RUNX2: variants seen among roughly 807,000 people sequenced by gnomAD.
The protein encoded by RUNX2 is runt-related transcription factor 2.
A neutral mutation model predicts 51.7 loss-of-function variants in RUNX2; 10 were observed. That is an observed-to-expected ratio of 0.19 (90% confidence interval 0.12 to 0.33). RUNX2 has a LOEUF of 0.33. RUNX2 is among the 10% of genes least tolerant of loss of function. The pLI is 1.00. For synonymous variants in RUNX2, 276 were observed against 273.6 expected (o/e 1.01, Z -0.09); for missense variants, 562 against 691.3 (o/e 0.81, Z 2.10).
At chr6:45,523,863 C>T (rs1801584204) in intron 7 of RUNX2, among the ~76,000 whole-genome samples, 3 of 151,412 alleles carry the variant, frequency 2.0e-5, no homozygotes, top group South Asian at 2.1e-4. Context: ...ACCCGGGAGG[C>T]GGAGGTTGCA....
intron 5 of RUNX2, among the ~76,000 whole-genome samples, chr6:45,438,639 C>A (rs1481676445): frequency 2.0e-5 from 3 of 152,072 alleles, no homozygotes; most frequent in Non-Finnish European, 4.4e-5. Context: ...CGTTTAAATC[C>A]ATCTTGGTTT....
intron 5 of RUNX2, among the ~76,000 whole-genome samples, chr6:45,470,431 A>G (rs541584943): frequency 1.3e-5 from 2 of 152,340 alleles, no homozygotes; most frequent in African/African-American, 4.8e-5. Context: ...GACACAATGG[A>G]GTATAAAGAT....
intron 2 of RUNX2, among the ~76,000 whole-genome samples, chr6:45,378,555 A>G (rs1029311123): frequency 2.0e-5 from 3 of 152,022 alleles, no homozygotes; most frequent in Non-Finnish European, 1.5e-5. Flanking sequence ...CTCGCACAGA[A>G]TCTGTTTCAT....
intron 6 of RUNX2, among the ~76,000 whole-genome samples, chr6:45,492,629 T>C (rs1470249677): frequency 6.6e-6 from 1 of 152,218 alleles, no homozygotes; most frequent in East Asian, 1.9e-4. Context: ...CTGATTTACA[T>C]TTAGCTCTGG....
At chr6:45,493,744 G>A (rs1800557091) in intron 6 of RUNX2, among the ~76,000 whole-genome samples, 1 of 151,740 alleles carries the variant, frequency 6.6e-6, no homozygotes, top group African/African-American at 2.4e-5. Context: ...GTGTGTGTGT[G>A]TGTGTGTGTG....
chr6:45,533,769 T>C (rs753816099), intron 7 of RUNX2, among the ~76,000 whole-genome samples: 2 of 152,176 alleles, frequency 1.3e-5, no homozygotes, highest in Non-Finnish European at 2.9e-5. Flanking sequence ...TGGTTCCTGA[T>C]GTCACTGGAT....
rs1181723664 is a variant in RUNX2, at chr6:45,550,543, G to A, written c.*3238G>A. 2 of 152,552 alleles carry A rather than the reference G, an allele frequency of 1.3e-5. No individual in the cohort carries two copies. Among genetic ancestry groups the A allele is most frequent in the Non-Finnish European group, 2.9e-5 (2 of 68,016 alleles). The allele number at this position is 152,552 out of a possible 1,614,324, so 9.4% of individuals were successfully genotyped here. A position where few individuals can be genotyped will look rare whatever the true frequency, so the allele number is the denominator to read the frequency against. On this transcript the variant is annotated 3_prime_UTR_variant, in exon 9 of 9. Coordinates refer to ENST00000647337, the MANE Select transcript of RUNX2 (RefSeq NM_001024630.4). ...AGCAAAAGTAATAATTATACCTATG[G>A]TATTTGAAAGAACAATAATAAAAGA...
At chr6:45,448,703 A>G (rs1241877964) in intron 5 of RUNX2, among the ~76,000 whole-genome samples, 1 of 152,096 alleles carries the variant, frequency 6.6e-6, no homozygotes, top group African/African-American at 2.4e-5. Flanking sequence ...TCATCTTCTC[A>G]TTTACCTCCT....
chr6:45,365,188 G>C, intron 2 of RUNX2: 1 of 1,504,840 alleles, frequency 6.6e-7, no homozygotes. Context: ...ATAGCATGCA[G>C]GGACATACTT....
chr6:45,505,417 T>G (rs1800936460), intron 6 of RUNX2, among the ~76,000 whole-genome samples: 1 of 151,842 alleles, frequency 6.6e-6, no homozygotes, highest in South Asian at 2.1e-4. Context: ...CTCCAAGTGT[T>G]TAGGGTTCAA....
intron 5 of RUNX2, among the ~76,000 whole-genome samples, chr6:45,485,748 A>G (rs1382522589): frequency 7.4e-6 from 1 of 134,700 alleles, no homozygotes; most frequent in Non-Finnish European, 1.6e-5. Context: ...ATCTCACAAG[A>G]TATTTATTAT....
chr6:45,415,697 C>T (rs531142774), intron 2 of RUNX2, among the ~76,000 whole-genome samples: 1 of 152,138 alleles, frequency 6.6e-6, no homozygotes, highest in East Asian at 1.9e-4. Flanking sequence ...GCTGTGTGAG[C>T]ACAAGTTAAC....
intron 6 of RUNX2, among the ~76,000 whole-genome samples, chr6:45,493,000 G>A (rs1479925206): frequency 1.3e-5 from 2 of 152,072 alleles, no homozygotes; most frequent in Admixed American, 6.5e-5. Context: ...CCCTCAACAT[G>A]GATCTTTTTT....
In RUNX2 at chr6:45,442,048, A is replaced by G. The variant is rs534651818; in HGVS notation, c.685+3997A>G. Among the ~76,000 whole-genome samples the G allele has an allele frequency of 9.2e-5, 14 of 152,336 alleles. No homozygotes were observed. In the East Asian group the frequency reaches 9.6e-4, roughly 10 times the overall value. The stretch of plus-strand genomic sequence containing the variant: ...GCACATGATCATCACTCATTACAAG[A>G]TTAAAAAGTACCCTATGGCATCATT... On this transcript the variant is annotated intron_variant, in intron 5 of 8. Coordinates refer to ENST00000647337, the MANE Select transcript of RUNX2 (RefSeq NM_001024630.4).
intron 2 of RUNX2, among the ~76,000 whole-genome samples, chr6:45,354,553 T>C (rs1792744562): frequency 6.6e-6 from 1 of 152,062 alleles, no homozygotes; most frequent in South Asian, 2.1e-4. Flanking sequence ...CTCAGTTTCC[T>C]TGGATAATAA....
intron 3 of RUNX2, among the ~76,000 whole-genome samples, chr6:45,424,991 TTTAAA>T (rs1387465087): frequency 2.6e-5 from 4 of 152,172 alleles, no homozygotes; most frequent in Non-Finnish European, 5.9e-5. Context: ...GCCCAGAATT[TTTAAA>T]TTAGTCTTAT....
chr6:45,384,166 A>T (rs1797299194), intron 2 of RUNX2, among the ~76,000 whole-genome samples: 1 of 152,220 alleles, frequency 6.6e-6, no homozygotes, highest in Non-Finnish European at 1.5e-5. Context: ...TACTTAATGT[A>T]GGAAGGTTGA....
chr6:45,413,874 G>A (rs1414745151), intron 2 of RUNX2, among the ~76,000 whole-genome samples: 1 of 152,146 alleles, frequency 6.6e-6, no homozygotes, highest in Admixed American at 6.5e-5. Context: ...CACAGACCTA[G>A]GGCTGGGCCA....
intron 7 of RUNX2, among the ~76,000 whole-genome samples, chr6:45,532,145 G>A (rs914815751): frequency 1.7e-5 from 2 of 115,440 alleles, no homozygotes; most frequent in Non-Finnish European, 3.7e-5. Context: ...TTGACATTTT[G>A]TACATAGAAA....
Sources: allele counts gnomAD v4.1 joint callset (sites outside exome capture counted in the v4.1 genomes callset), GRCh38; gene constraint gnomAD v4.1.1; transcripts MANE v1.5; gene names NCBI Gene and HGNC (gene_info 2026-07-23, HGNC 2026-07-21).